Variants in CHPT1 observed in about 807,000 individuals in gnomAD.
The protein encoded by CHPT1 is choline phosphotransferase 1, also known as cholinephosphotransferase 1.
In CHPT1, 36 loss-of-function variants were observed where a neutral mutation model predicts 47.6. The observed-to-expected ratio is 0.76, with a 90% CI of 0.58 to 1.00. The LOEUF (loss-of-function observed/expected upper bound fraction) is 1.00, where lower values mean the gene tolerates loss of function less well. CHPT1 is among the 50% of genes least tolerant of loss of function. The pLI is 0.00. For missense variants in CHPT1, 458 were observed against 498.1 expected (o/e 0.92, Z 0.77); for synonymous variants, 194 against 186.3 (o/e 1.04, Z -0.33).
intron 4 of CHPT1, among the ~76,000 whole-genome samples, chr12:101,718,879 GTT>G (rs550527213): frequency 3.9e-3 from 596 of 151,994 alleles, no homozygotes; most frequent in Non-Finnish European, 6.6e-3. Flanking sequence ...GATGCTATGC[GTT>G]TTTTGTAGTA....
chr12:101,726,483 C>T, intron 8 of CHPT1, 79 bp downstream of exon 8: 1 of 1,565,898 alleles, frequency 6.4e-7, no homozygotes, highest in Non-Finnish European at 8.6e-7. Flanking sequence ...TGAAGGAAAT[C>T]CCCCTGTGCA....
chr12:101,721,500 A>T (rs1951851285), intron 5 of CHPT1, among the ~76,000 whole-genome samples: 1 of 152,212 alleles, frequency 6.6e-6, no homozygotes, highest in Non-Finnish European at 1.5e-5. Flanking sequence ...TTTCAAAGGG[A>T]TCCTCATAAT....
Position 101,697,951 on chromosome 12 carries a change from G to C in CHPT1, c.90G>C (p.Glu30Asp). The C allele has an allele frequency of 6.5e-7, 1 of 1,542,422 alleles. No individual in the cohort carries two copies. The highest frequency in any genetic ancestry group is 8.7e-7 in the Non-Finnish European group (1 of 1,155,022). Residue 30 changes from glutamate (E) to aspartate (D), a missense_variant, in exon 1 of 9, where the codon GAG becomes GAC. Glu to Asp is a conservative substitution (Grantham distance 45, BLOSUM62 2). Transcript: ENST00000229266. ...PLSAAQLRRL[E>D]EHRYSAAGVS... ...GCGCGGCGCAGCTGCGGCGACTGGAGGAGCACCGCTACAGCGCGGCGGGCG... is the reference window on the plus strand; with the variant it reads ...GCGCGGCGCAGCTGCGGCGACTGGACGAGCACCGCTACAGCGCGGCGGGCG...
Position 101,698,120 on chromosome 12 carries a change from A to G in CHPT1, c.259A>G (p.Thr87Ala). ...TTLVLISYCP[T>A]ATEEAPYWTY... ...GCTCGTGCTCATCTCCTACTGTCCC[A>G]CGGCCACCGAAGAGGTAGGGCTGGC... The change falls in exon 1 of 9, where the codon ACG (threonine) becomes GCG (alanine). Residue 87 changes from threonine to alanine, a missense_variant. Coordinates refer to ENST00000229266, the MANE Select transcript of CHPT1 (RefSeq NM_020244.3). The G allele has an allele frequency of 6.5e-7, 1 of 1,531,494 alleles. No individual in the cohort carries two copies. Among genetic ancestry groups the G allele is most frequent in the Non-Finnish European group, 8.7e-7 (1 of 1,146,260 alleles). 94.9% of individuals were successfully genotyped at this position (1,531,494 alleles called of 1,614,324 possible).
chr12:101,722,113 C>T (rs756281753), intron 5 of CHPT1, among the ~76,000 whole-genome samples: 1 of 151,716 alleles, frequency 6.6e-6, no homozygotes, highest in Non-Finnish European at 1.5e-5. Flanking sequence ...TGAAGGATGA[C>T]TTAAACACAA....
At chr12:101,700,994 A>T (rs80303245) in intron 1 of CHPT1, among the ~76,000 whole-genome samples, 4,871 of 152,288 alleles carry the variant, frequency 0.032, 268 homozygotes, top group African/African-American at 0.11. Context: ...GCTTGGGCTT[A>T]TCTACTCATA....
intron 7 of CHPT1, 84 bp downstream of exon 7, chr12:101,723,931 T>C: frequency 9.4e-7 from 1 of 1,063,318 alleles, no homozygotes. Flanking sequence ...CAAGATCTAG[T>C]CTAGGCCAGG....
intron 5 of CHPT1, among the ~76,000 whole-genome samples, chr12:101,721,727 T>C (rs1951854448): frequency 6.6e-6 from 1 of 152,166 alleles, no homozygotes; most frequent in African/African-American, 2.4e-5. Context: ...TAAGTTCCAT[T>C]GAAGAAAACA....
intron 1 of CHPT1, among the ~76,000 whole-genome samples, chr12:101,700,200 T>C (rs1018614474): frequency 6.6e-5 from 10 of 152,040 alleles, no homozygotes; most frequent in African/African-American, 2.4e-4. Flanking sequence ...GAAGCATTTG[T>C]TGAACACTTA....
chr12:101,719,500 C>T (rs1481209906), intron 4 of CHPT1: 3 of 1,271,648 alleles, frequency 2.4e-6, no homozygotes, highest in Admixed American at 2.3e-5. Flanking sequence ...TTTTCTTGAA[C>T]AGCAGTTGAC....
chr12:101,707,899 T>G (rs1273799517), intron 1 of CHPT1, among the ~76,000 whole-genome samples: 2 of 152,200 alleles, frequency 1.3e-5, no homozygotes, highest in African/African-American at 2.4e-5. Flanking sequence ...TATGGAAACG[T>G]TAAGATTCTT....
At chr12:101,710,083 G>A (rs1398010029) in intron 1 of CHPT1, among the ~76,000 whole-genome samples, 1 of 149,136 alleles carries the variant, frequency 6.7e-6, no homozygotes, top group Non-Finnish European at 1.5e-5. Context: ...GGTGGCTCAC[G>A]CCTGTAATCC....
intron 2 of CHPT1, 47 bp downstream of exon 2, chr12:101,714,284 A>T (rs1951733603): frequency 6.7e-7 from 1 of 1,492,730 alleles, no homozygotes; most frequent in Non-Finnish European, 9.0e-7. Flanking sequence ...TTAAAAATAA[A>T]ATGAACTGAG....
chr12:101,698,199 G>T, intron 1 of CHPT1, 65 bp downstream of exon 1: 1 of 1,365,200 alleles, frequency 7.3e-7, no homozygotes, highest in Non-Finnish European at 9.4e-7. Context: ...TGGAGGCGCC[G>T]GGGGAAGGGC....
chr12:101,726,067 G>A (rs979226766), intron 7 of CHPT1, among the ~76,000 whole-genome samples: 1 of 152,028 alleles, frequency 6.6e-6, no homozygotes, highest in Non-Finnish European at 1.5e-5. Flanking sequence ...TATTTTAGTC[G>A]TCTTTTTTAC....
intron 5 of CHPT1, among the ~76,000 whole-genome samples, 179 bp from the exon 6 acceptor site, chr12:101,722,989 C>T (rs369931555): frequency 8.5e-5 from 13 of 152,328 alleles, no homozygotes; most frequent in African/African-American, 2.9e-4. Context: ...ATGTCTCTGT[C>T]ACCCTCAGGT....
chr12:101,706,960 TA>T (rs1243645274), intron 1 of CHPT1, among the ~76,000 whole-genome samples: 1 of 152,246 alleles, frequency 6.6e-6, no homozygotes, highest in Non-Finnish European at 1.5e-5. Flanking sequence ...TGTAGTTCCT[TA>T]TATTTGTATA....
intron 1 of CHPT1, 118 bp downstream of exon 1, chr12:101,698,252 G>A (rs1951495183): frequency 2.3e-6 from 3 of 1,322,986 alleles, no homozygotes; most frequent in Non-Finnish European, 2.9e-6. Flanking sequence ...CCGGAGGGGC[G>A]GACTGGCCAC....
Position 101,697,772 on chromosome 12 carries a change from C to T in CHPT1, c.-90C>T. The T allele has an allele frequency of 2.5e-6, 1 of 396,218 alleles. No individual in the cohort carries two copies. Among genetic ancestry groups the T allele is most frequent in the Non-Finnish European group, 3.5e-6 (1 of 285,758 alleles). 24.5% of individuals were successfully genotyped at this position (396,218 alleles called of 1,614,324 possible). ...GAGTCCAGCCCGGCAGTCGCAGGAC[C>T]CGGCCGCCAGCCTCTCCCTCCACCT... On this transcript the variant is annotated 5_prime_UTR_variant, in exon 1 of 9. Transcript: ENST00000229266.
Sources: allele counts gnomAD v4.1 joint callset (sites outside exome capture counted in the v4.1 genomes callset), GRCh38; gene constraint gnomAD v4.1.1; transcripts MANE v1.5; gene names NCBI Gene and HGNC (gene_info 2026-07-23, HGNC 2026-07-21).